Variants in TET1 observed in about 807,000 individuals in gnomAD.
TET1 encodes the protein tet methylcytosine dioxygenase 1.
In TET1, 13 loss-of-function variants were observed where a neutral mutation model predicts 148.7. The observed-to-expected ratio is 0.09, with a 90% confidence interval of 0.06 to 0.14. The LOEUF (loss-of-function observed/expected upper bound fraction) is 0.14, where lower values mean the gene tolerates loss of function less well. TET1 is among the 10% of genes least tolerant of loss of function. The pLI, the probability that TET1 is intolerant of heterozygous loss-of-function variation, is 1.00. For missense variants in TET1, 2,182 were observed against 2,553.8 expected (o/e 0.85, Z 3.14); for synonymous variants, 907 against 937.2 (o/e 0.97, Z 0.59).
At chr10:68,565,475 A>AAATAT (rs1388182777) in intron 1 of TET1, among the ~76,000 whole-genome samples, 59 of 129,224 alleles carry the variant, frequency 4.6e-4, no homozygotes, top group Non-Finnish European at 6.8e-4. Flanking sequence ...AAAAAAAAAA[A>AAATAT]ATATATATAT....
chr10:68,668,269 A>G (rs1261372900), intron 7 of TET1, among the ~76,000 whole-genome samples: 1 of 152,264 alleles, frequency 6.6e-6, no homozygotes, highest in Non-Finnish European at 1.5e-5. Flanking sequence ...TGATGCAATC[A>G]AACATACCCA....
At chr10:68,660,700 G>T (rs1425277393) in intron 6 of TET1, among the ~76,000 whole-genome samples, 1 of 149,090 alleles carries the variant, frequency 6.7e-6, no homozygotes, top group East Asian at 2.0e-4. Flanking sequence ...CACTCTTGTC[G>T]CCCAGGCTGG....
chr10:68,676,135 G>A (rs2055345657), intron 8 of TET1, among the ~76,000 whole-genome samples: 1 of 150,148 alleles, frequency 6.7e-6, no homozygotes, highest in Non-Finnish European at 1.5e-5. Context: ...GATTATAGGT[G>A]TGAGCCACAG....
At chr10:68,628,954 CTT>C (rs1172851136) in intron 3 of TET1, among the ~76,000 whole-genome samples, 1 of 152,148 alleles carries the variant, frequency 6.6e-6, no homozygotes, top group East Asian at 1.9e-4. Context: ...AAGAAACTGA[CTT>C]TGTGATTTCA....
At chr10:68,626,089 C>CAAAAAAAAAAAAAAA (rs768111191) in intron 3 of TET1, among the ~76,000 whole-genome samples, 4 of 34,538 alleles carry the variant, frequency 1.2e-4, no homozygotes, top group Admixed American at 3.2e-4. Context: ...GACCCTATCT[C>CAAAAAAAAAAAAAAA]AAAAAAAAGA....
At chr10:68,586,989 A>G (rs569785759) in intron 2 of TET1, among the ~76,000 whole-genome samples, 155 of 152,308 alleles carry the variant, frequency 1.0e-3, no homozygotes, top group African/African-American at 3.4e-3. Flanking sequence ...AAGTTTTCTA[A>G]GTATTCCATA....
chr10:68,615,356 C>CTTTTTCTTTTTTTT (rs1554936334), intron 3 of TET1, among the ~76,000 whole-genome samples: 1 of 145,360 alleles, frequency 6.9e-6, no homozygotes, highest in African/African-American at 2.5e-5. Flanking sequence ...CTTTTCTTTT[C>CTTTTTCTTTTTTTT]TTTTTTTGAG....
rs1443284160 is a variant in TET1 at position 68,572,961 on chromosome 10, G to A, written c.623G>A (p.Gly208Asp). 6.2e-7 allele frequency: 1 copy of A among 1,614,110 alleles called. No individual in the cohort carries two copies. Among genetic ancestry groups the A allele is most frequent in the South Asian group, 1.1e-5 (1 of 91,082 alleles). Residue 208 changes from glycine to aspartate, a missense_variant, in exon 2 of 12, where the codon GGC becomes GAC. Coordinates refer to ENST00000373644, the MANE Select transcript of TET1 (RefSeq NM_030625.3). Reference sequence around the variant, plus strand: ...AAGATCAATATCCCTACCCACAGTGGCCCTGCAGCTGAGATCCTTCCTGGG... The same window carrying A: ...AAGATCAATATCCCTACCCACAGTGACCCTGCAGCTGAGATCCTTCCTGGG... ...DSKINIPTHSGPAAEILPGPL... is the reference protein window; with the variant it reads ...DSKINIPTHSDPAAEILPGPL...
At chr10:68,609,169 A>ATT (rs1336803568) in intron 3 of TET1, among the ~76,000 whole-genome samples, 1 of 149,584 alleles carries the variant, frequency 6.7e-6, no homozygotes, top group African/African-American at 2.5e-5. Context: ...GACTAATTTT[A>ATT]TTTTTTTTTG....
chr10:68,690,469 G>A (rs564041980), intron 11 of TET1, among the ~76,000 whole-genome samples: 159 of 152,290 alleles, frequency 1.0e-3, no homozygotes, highest in African/African-American at 3.7e-3. Flanking sequence ...TTAGCCAGGC[G>A]TGGTGGCAGG....
chr10:68,633,463 C>T (rs1196653854), intron 3 of TET1, among the ~76,000 whole-genome samples: 2 of 152,038 alleles, frequency 1.3e-5, no homozygotes, highest in Non-Finnish European at 2.9e-5. Context: ...TCACTGCAAA[C>T]TCTGCCTCCC....
intron 6 of TET1, among the ~76,000 whole-genome samples, chr10:68,655,653 T>TTTTTTG (rs769257811): frequency 6.6e-6 from 1 of 152,224 alleles, no homozygotes; most frequent in Non-Finnish European, 1.5e-5. Flanking sequence ...AGTGTATAGT[T>TTTTTTG]TTTTTGTTTT....
intron 11 of TET1, among the ~76,000 whole-genome samples, chr10:68,687,774 G>A (rs1225645424): frequency 2.6e-5 from 4 of 152,102 alleles, no homozygotes; most frequent in African/African-American, 9.7e-5. Context: ...ATTTTTTATA[G>A]AGATAGGGTT....
chr10:68,570,980 T>A (rs566957297), intron 1 of TET1, among the ~76,000 whole-genome samples: 4 of 151,374 alleles, frequency 2.6e-5, no homozygotes, highest in South Asian at 2.1e-4. Flanking sequence ...TATTTTATTT[T>A]ATTTATTTTA....
intron 2 of TET1, among the ~76,000 whole-genome samples, chr10:68,595,993 C>T (rs1193203266): frequency 0.016 from 1,086 of 65,952 alleles, 57 homozygotes; most frequent in African/African-American, 0.052. Context: ...TACACACACA[C>T]ACACACACAC....
chr10:68,597,137 G>T (rs2053998932), intron 2 of TET1, among the ~76,000 whole-genome samples: 1 of 147,734 alleles, frequency 6.8e-6, no homozygotes, highest in Non-Finnish European at 1.5e-5. Context: ...AGGTTCAAGT[G>T]ATCCTCCTGC....
At chr10:68,616,800 C>T (rs2054296858) in intron 3 of TET1, among the ~76,000 whole-genome samples, 1 of 149,246 alleles carries the variant, frequency 6.7e-6, no homozygotes, top group Non-Finnish European at 1.5e-5. Flanking sequence ...CTCTGCCTCC[C>T]GGGTTCATGC....
intron 2 of TET1, among the ~76,000 whole-genome samples, chr10:68,593,893 C>T (rs1009513943): frequency 1.2e-4 from 16 of 137,332 alleles, no homozygotes; most frequent in Non-Finnish European, 2.3e-4. Context: ...GGATTACAGG[C>T]GTGAGCCACT....
intron 10 of TET1, among the ~76,000 whole-genome samples, chr10:68,686,144 T>C (rs1180458401): frequency 6.6e-6 from 1 of 152,204 alleles, no homozygotes; most frequent in Non-Finnish European, 1.5e-5. Flanking sequence ...TAAATATTAT[T>C]CTGGTCTGCC....
Sources: gnomAD v4.1 joint callset for allele counts (sites outside exome capture counted in the v4.1 genomes callset) on GRCh38, gnomAD v4.1.1 for gene constraint, MANE v1.5 for transcripts, NCBI Gene and HGNC (gene_info 2026-07-23, HGNC 2026-07-21) for gene names.